The following MMP26 variants were observed in gnomAD, a reference collection of about 807,000 sequenced individuals.
MMP26 encodes matrix metalloproteinase-26.
MMP26 carries 33 observed loss-of-function variants against 31.0 expected under a neutral mutation model. That is an observed-to-expected ratio of 1.06 (90% confidence interval 0.81 to 1.42). MMP26 has a LOEUF of 1.42. Among genes scored for constraint, MMP26 ranks in the 40% most tolerant of loss-of-function variants. The pLI is 0.00. For missense variants in MMP26, 347 were observed against 316.1 expected, an observed-to-expected ratio of 1.10 and a Z score of -0.74; for synonymous variants, 122 against 114.9, an observed-to-expected ratio of 1.06 and a Z score of -0.40.
chr11:4,707,082 T>C (rs2133261848), intron 1 of MMP26, among the ~76,000 whole-genome samples: 1 of 152,366 alleles, frequency 6.6e-6, no homozygotes, highest in Admixed American at 6.5e-5. Context: ...TCCTTTCCTT[T>C]GGATATATAC....
At chr11:4,814,873 A>G (rs1040868189) in intron 2 of MMP26, among the ~76,000 whole-genome samples, 1 of 152,154 alleles carries the variant, frequency 6.6e-6, no homozygotes, top group Non-Finnish European at 1.5e-5. Flanking sequence ...GTCTCAATCA[A>G]TTTAGAAAAT....
At chr11:4,715,002 C>G (rs559514809) in intron 1 of MMP26, among the ~76,000 whole-genome samples, 3 of 151,068 alleles carry the variant, frequency 2.0e-5, no homozygotes, top group Non-Finnish European at 4.4e-5. Flanking sequence ...TGCGATTCTT[C>G]CAGAAGCCAC....
At chr11:4,712,238 G>A (rs1485131075) in intron 1 of MMP26, 6 of 152,184 alleles carry the variant, frequency 3.9e-5, no homozygotes, top group Non-Finnish European at 7.4e-5. Context: ...AGTGAATGGG[G>A]AAGGCACAGC....
Position 4,706,362 on chromosome 11 carries a change from C to G in MMP26, c.-217+1317C>G, listed in dbSNP as rs184726159. ...ATTCCTTGAGTTCAATAGTTCAAGA[C>G]CAGCCTGGGCAACATGGTGAAACCC... On this transcript the variant is annotated intron_variant, in intron 1 of 7. Coordinates refer to ENST00000380390, the MANE Select transcript of MMP26 (RefSeq NM_021801.5). Among the ~76,000 whole-genome samples the G allele has an allele frequency of 3.3e-3, 495 of 151,826 alleles. 1 individual carries two copies. Among genetic ancestry groups the G allele is most frequent in the African/African-American group, 0.012 (481 of 41,420 alleles).
intron 2 of MMP26, among the ~76,000 whole-genome samples, chr11:4,792,500 G>T (rs1849041851): frequency 6.6e-6 from 1 of 152,172 alleles, no homozygotes; most frequent in Non-Finnish European, 1.5e-5. Flanking sequence ...AGCCTTGTTT[G>T]TGGGTTATGC....
intron 2 of MMP26, chr11:4,915,871 A>G (rs7116979): frequency 0.075 from 37,556 of 501,944 alleles, 2,130 homozygotes; most frequent in East Asian, 0.26. Context: ...CATAGTTTCA[A>G]TAAGAAGCAA....
chr11:4,856,815 C>G (rs1428611346), intron 2 of MMP26, among the ~76,000 whole-genome samples: 7 of 152,104 alleles, frequency 4.6e-5, no homozygotes, highest in East Asian at 1.9e-4. Flanking sequence ...TGACCACATA[C>G]TTGGAAGTAA....
chr11:4,980,766 T>C (rs533777565), intron 2 of MMP26, among the ~76,000 whole-genome samples: 3 of 148,642 alleles, frequency 2.0e-5, no homozygotes, highest in Non-Finnish European at 4.4e-5. Context: ...AGTAAAAATA[T>C]AGTTCATTGA....
chr11:4,800,367 A>G (rs1287950907), intron 2 of MMP26, among the ~76,000 whole-genome samples: 1 of 152,158 alleles, frequency 6.6e-6, no homozygotes, highest in Non-Finnish European at 1.5e-5. Context: ...GTGGCAGCCC[A>G]AGCTGCACCT....
At position 4,914,548 on chromosome 11, in the gene MMP26, C is replaced by G. The variant is rs920813052; in HGVS notation, c.-144-73520C>G. The G allele has an allele frequency of 6.5e-5, 36 of 554,506 alleles. 1 individual carries two copies. Among genetic ancestry groups the G allele is most frequent in the Non-Finnish European group, 1.2e-4 (36 of 312,730 alleles). The allele number at this position is 554,506 out of a possible 1,614,324, so 34.3% of individuals were successfully genotyped here. On this transcript the variant is annotated intron_variant, in intron 2 of 7. Coordinates refer to ENST00000380390, the MANE Select transcript of MMP26 (RefSeq NM_021801.5). ...TACCACATCATATTACATTTTACCC[C>G]CCCCTGCCCTGGCCACAACAGAGTG...
chr11:4,850,094 C>T (rs576775674), intron 2 of MMP26, among the ~76,000 whole-genome samples: 3 of 152,128 alleles, frequency 2.0e-5, no homozygotes, highest in Non-Finnish European at 2.9e-5. Context: ...TTTCTTCTAT[C>T]TAAGTGTATG....
intron 2 of MMP26, among the ~76,000 whole-genome samples, chr11:4,896,799 T>C (rs567051015): frequency 6.6e-6 from 1 of 152,148 alleles, no homozygotes; most frequent in East Asian, 1.9e-4. Flanking sequence ...AAAAGAGGAG[T>C]GCTAAAAACT....
chr11:4,719,144 A>G (rs76157898), intron 1 of MMP26: 3,444 of 155,126 alleles, frequency 0.022, 147 homozygotes, highest in African/African-American at 0.079. Flanking sequence ...GTGCTCCACC[A>G]CTCCTATTGC....
At chr11:4,956,228 C>T (rs935626909) in intron 2 of MMP26, among the ~76,000 whole-genome samples, 3 of 152,138 alleles carry the variant, frequency 2.0e-5, no homozygotes, top group African/African-American at 4.8e-5. Flanking sequence ...CTAAAGAATC[C>T]TGATATACAA....
At chr11:4,890,697 G>A (rs887400049) in intron 2 of MMP26, 2 of 151,988 alleles carry the variant, frequency 1.3e-5, no homozygotes, top group Admixed American at 1.3e-4. Context: ...ATGAAATAAA[G>A]AAAATGGAAT....
At chr11:4,849,106 A>G in intron 2 of MMP26, 2 of 1,614,134 alleles carry the variant, frequency 1.2e-6, no homozygotes, top group Non-Finnish European at 1.7e-6. Context: ...GGCAATGTCC[A>G]CCAGGAGGGT....
At chr11:4,715,738 A>G (rs763832778) in intron 1 of MMP26, among the ~76,000 whole-genome samples, 1 of 152,196 alleles carries the variant, frequency 6.6e-6, no homozygotes, top group Non-Finnish European at 1.5e-5. Flanking sequence ...GGTTGGTAGA[A>G]TTCTAAAAGG....
intron 2 of MMP26, among the ~76,000 whole-genome samples, chr11:4,898,870 T>TGTGTGTGA (rs1554889597): frequency 4.8e-5 from 7 of 144,418 alleles, no homozygotes; most frequent in African/African-American, 1.6e-4. Context: ...TGTGTGTGTG[T>TGTGTGTGA]GTGTGTTCTT....
intron 2 of MMP26, chr11:4,943,243 C>A: frequency 5.3e-6 from 1 of 189,172 alleles, no homozygotes; most frequent in Non-Finnish European, 1.1e-5. Context: ...AGTATTTGAA[C>A]TTGCCTTTTG....
Sources: allele counts gnomAD v4.1 joint callset (sites outside exome capture counted in the v4.1 genomes callset), GRCh38; gene constraint gnomAD v4.1.1; transcripts MANE v1.5; gene names NCBI Gene and HGNC (gene_info 2026-07-23, HGNC 2026-07-21).